The following CDS2 variants were observed in gnomAD, a reference collection of about 807,000 sequenced individuals.
CDS2 encodes the protein phosphatidate cytidylyltransferase 2.
Under a neutral mutation model 59.0 loss-of-function variants are expected in CDS2, and 47 were observed. That is an observed-to-expected ratio of 0.80 (90% CI 0.63 to 1.02). The LOEUF is 1.02. Among genes scored for constraint, CDS2 ranks in the 50% least tolerant of loss-of-function variants. The pLI is 0.00. For missense variants in CDS2, 356 were observed against 558.9 expected (o/e 0.64, Z 3.66); for synonymous variants, 207 against 206.4 (o/e 1.00, Z -0.02).
At chr20:5,183,291 T>G in intron 7 of CDS2, 148 bp downstream of exon 7, 1 of 639,040 alleles carries the variant, frequency 1.6e-6, no homozygotes. Flanking sequence ...ACCCCACCCC[T>G]GACTTTTTGA....
chr20:5,189,073 G>C lies in CDS2; in HGVS notation c.988G>C (p.Val330Leu), dbSNP rs138666853. 207 of 1,614,028 alleles carry C rather than the reference G, an allele frequency of 1.3e-4. No homozygotes were observed. The highest frequency in any genetic ancestry group is 1.7e-4 in the Non-Finnish European group (200 of 1,179,998). The change falls in exon 11 of 13, where the codon GTC (valine) becomes CTC (leucine). Residue 330 changes from valine to leucine, a missense_variant. By Grantham distance (32) the Val-to-Leu change is conservative. Coordinates refer to ENST00000460006, the MANE Select transcript of CDS2 (RefSeq NM_003818.4). ...VIQSVIGWKT[V>L]RMYPFQIHSI... Reference sequence around the variant, plus strand: ...CTTCATTTACTCTTCTCAGAAAACGGTCCGGATGTACCCCTTCCAGATTCA... The same window carrying C: ...CTTCATTTACTCTTCTCAGAAAACGCTCCGGATGTACCCCTTCCAGATTCA...
At chr20:5,128,393 G>A (rs1840310491) in intron 1 of CDS2, 1 of 152,232 alleles carries the variant, frequency 6.6e-6, no homozygotes, top group African/African-American at 2.4e-5. Context: ...TTTGGTGAAA[G>A]ATAATGAGAT....
intron 2 of CDS2, 71 bp downstream of exon 2, chr20:5,173,730 G>A: frequency 1.3e-6 from 2 of 1,581,424 alleles, no homozygotes; most frequent in South Asian, 1.1e-5. Context: ...GGAAGAGCCT[G>A]CAGAGAGCCC....
At chr20:5,171,688 T>C (rs2123037069) in intron 1 of CDS2, among the ~76,000 whole-genome samples, 1 of 152,322 alleles carries the variant, frequency 6.6e-6, no homozygotes, top group Non-Finnish European at 1.5e-5. Context: ...AGTGGTGTAC[T>C]GGGACACAGC....
chr20:5,151,326 C>T (rs897299533), intron 1 of CDS2, among the ~76,000 whole-genome samples: 5 of 152,150 alleles, frequency 3.3e-5, no homozygotes, highest in Non-Finnish European at 7.4e-5. Flanking sequence ...AAGTAAAAAT[C>T]AAATTTGATA....
chr20:5,134,623 T>C (rs1316297159), intron 1 of CDS2, among the ~76,000 whole-genome samples: 1 of 152,084 alleles, frequency 6.6e-6, no homozygotes, highest in East Asian at 1.9e-4. Flanking sequence ...CGAGTTCAAG[T>C]GATTCTCCTG....
intron 1 of CDS2, among the ~76,000 whole-genome samples, chr20:5,138,237 A>G (rs2090664387): frequency 6.6e-6 from 1 of 151,286 alleles, no homozygotes; most frequent in African/African-American, 2.4e-5. Flanking sequence ...CACATGAGCC[A>G]CCATACCCAG....
intron 3 of CDS2, 98 bp downstream of exon 3, chr20:5,175,377 C>CG: frequency 1.1e-6 from 1 of 935,724 alleles, no homozygotes; most frequent in Non-Finnish European, 1.7e-6. Context: ...TGGGAATTGA[C>CG]GGGGGTCCAG....
At chr20:5,188,781 G>A (rs907923785) in intron 10 of CDS2, among the ~76,000 whole-genome samples, 3 of 152,138 alleles carry the variant, frequency 2.0e-5, no homozygotes, top group African/African-American at 7.2e-5. Context: ...GGTCAAAGGT[G>A]GAAGCAGACA....
At chr20:5,129,301 G>C (rs997760370) in intron 1 of CDS2, among the ~76,000 whole-genome samples, 4 of 152,062 alleles carry the variant, frequency 2.6e-5, no homozygotes, top group African/African-American at 9.7e-5. Flanking sequence ...TTTTTAGACG[G>C]AGTCTCTCTC....
chr20:5,180,621 G>C (rs1202716265), intron 5 of CDS2, among the ~76,000 whole-genome samples: 2 of 152,078 alleles, frequency 1.3e-5, no homozygotes, highest in Non-Finnish European at 2.9e-5. Flanking sequence ...TTCTCAGCAA[G>C]GTCTTTATGA....
chr20:5,162,821 G>A (rs2090884706), intron 1 of CDS2, among the ~76,000 whole-genome samples: 1 of 152,148 alleles, frequency 6.6e-6, no homozygotes, highest in Non-Finnish European at 1.5e-5. Flanking sequence ...AACCTGATAA[G>A]TATGGTATGG....
At chr20:5,156,768 C>A (rs558010592) in intron 1 of CDS2, among the ~76,000 whole-genome samples, 78 of 152,292 alleles carry the variant, frequency 5.1e-4, no homozygotes, top group African/African-American at 1.8e-3. Context: ...TCTTGGCTCC[C>A]CCTCATGTTG....
intron 1 of CDS2, among the ~76,000 whole-genome samples, chr20:5,154,772 C>G (rs569789689): frequency 2.6e-5 from 4 of 152,180 alleles, no homozygotes; most frequent in Non-Finnish European, 5.9e-5. Context: ...CTCAACCTCC[C>G]GAGTAGCTGG....
At chr20:5,135,459 A>G (rs935138517) in intron 1 of CDS2, among the ~76,000 whole-genome samples, 16 of 152,148 alleles carry the variant, frequency 1.1e-4, no homozygotes, top group African/African-American at 3.9e-4. Flanking sequence ...TTTGTGTGTC[A>G]TACTGCCTCT....
At chr20:5,189,286 C>G (rs980701801) in intron 11 of CDS2, 100 bp downstream of exon 11, 9 of 1,370,972 alleles carry the variant, frequency 6.6e-6, no homozygotes, top group Non-Finnish European at 7.2e-6. Flanking sequence ...GCTGTACACC[C>G]TGGCATTTAA....
intron 1 of CDS2, 33 bp from the exon 2 acceptor site, chr20:5,173,490 G>T: frequency 6.2e-7 from 1 of 1,612,596 alleles, no homozygotes; most frequent in South Asian, 1.1e-5. Flanking sequence ...CGGCACTTTT[G>T]ACCTTTTTCT....
At chr20:5,170,576 C>T (rs985071004) in intron 1 of CDS2, among the ~76,000 whole-genome samples, 6 of 152,206 alleles carry the variant, frequency 3.9e-5, no homozygotes, top group African/African-American at 1.4e-4. Context: ...GCAGTTTCCC[C>T]GCTCACAGGG....
chr20:5,127,329 G>A (rs1217720143), intron 1 of CDS2, among the ~76,000 whole-genome samples, 180 bp downstream of exon 1: 1 of 152,134 alleles, frequency 6.6e-6, no homozygotes, highest in African/African-American at 2.4e-5. Flanking sequence ...CGCGTCAGGG[G>A]TCGGCGGGTC....
Sources: allele counts gnomAD v4.1 joint callset (sites outside exome capture counted in the v4.1 genomes callset), GRCh38; gene constraint gnomAD v4.1.1; transcripts MANE v1.5; gene names NCBI Gene and HGNC (gene_info 2026-07-23, HGNC 2026-07-21).